Variants in ARHGAP32 observed in about 807,000 individuals in gnomAD.
ARHGAP32 encodes rho GTPase-activating protein 32.
In ARHGAP32, 51 loss-of-function variants were observed where a neutral mutation model predicts 186.5. That is an observed-to-expected ratio of 0.27 (90% CI 0.22 to 0.35). ARHGAP32 has a LOEUF of 0.35. ARHGAP32 is among the 10% of genes least tolerant of loss of function. The pLI is 1.00. For missense variants in ARHGAP32, 2,186 were observed against 2,623.5 expected (o/e 0.83, Z 3.64); for synonymous variants, 950 against 964.3 (o/e 0.99, Z 0.27).
At chr11:129,018,522 T>C (rs1256323720) in intron 11 of ARHGAP32, among the ~76,000 whole-genome samples, 4 of 152,214 alleles carry the variant, frequency 2.6e-5, no homozygotes, top group Admixed American at 6.5e-5. Context: ...TAAACTTATC[T>C]TTAGCAAGCA....
chr11:129,051,082 G>A (rs578216700), intron 10 of ARHGAP32, among the ~76,000 whole-genome samples: 141 of 152,214 alleles, frequency 9.3e-4, no homozygotes, highest in African/African-American at 3.3e-3. Flanking sequence ...TTGCTATTGT[G>A]AACAATGCTG....
chr11:129,096,301 C>T (rs1941725962), intron 5 of ARHGAP32, among the ~76,000 whole-genome samples: 1 of 152,088 alleles, frequency 6.6e-6, no homozygotes, highest in Admixed American at 6.5e-5. Flanking sequence ...CACGCAAAAG[C>T]ACACGAGAAA....
In ARHGAP32 at chr11:129,048,201, C is replaced by T. The variant is rs1190418042; in HGVS notation, c.964-7192G>A. Among the ~76,000 whole-genome samples, 5 of 151,920 alleles carry T rather than the reference C, an allele frequency of 3.3e-5. No homozygotes were observed. In the South Asian group the frequency reaches 6.2e-4, roughly 19 times the overall value. On this transcript the variant is annotated intron_variant, in intron 10 of 22. Transcript: ENST00000682385. ...TTAAATAAAAAATTACTCTTGCAGC[C>T]GGATATGCAGGTTTGAGAGTCAAAA...
intron 6 of ARHGAP32, among the ~76,000 whole-genome samples, chr11:129,086,371 T>A (rs992078344): frequency 6.6e-6 from 1 of 152,206 alleles, no homozygotes; most frequent in Admixed American, 6.5e-5. Context: ...TGACCTTAGT[T>A]ACAGCGATGA....
At chr11:129,156,011 G>A (rs1232692301) in intron 2 of ARHGAP32, among the ~76,000 whole-genome samples, 3 of 152,182 alleles carry the variant, frequency 2.0e-5, no homozygotes, top group African/African-American at 4.8e-5. Context: ...AAGATGTGAG[G>A]GACTGTGCCG....
At chr11:129,173,108 C>A (rs1396618849) in intron 1 of ARHGAP32, among the ~76,000 whole-genome samples, 1 of 151,370 alleles carries the variant, frequency 6.6e-6, no homozygotes, top group African/African-American at 2.4e-5. Flanking sequence ...ATCAAACAGA[C>A]ACAATAAAAA....
Position 128,969,373 on chromosome 11 carries a change from T to G in ARHGAP32, c.5840A>C (p.Glu1947Ala). Residue 1947 changes from glutamate to alanine, a missense_variant, in exon 23 of 23, where the codon GAA becomes GCA. Physicochemically the swap from Glu to Ala is moderately radical, Grantham distance 107. Transcript: ENST00000682385. This position sits in a 1 kb window ranked among gnomAD's most constrained non-coding sequence, Gnocchi z 4.8. ...SGVKYAASGQ[E>A]SLRLNHKEVR... Reference sequence around the variant, plus strand: ...CTCTTTGTGGTTCAGTCTTAAAGATTCTTGCCCGGATGCAGCATATTTTAC... The same window carrying G: ...CTCTTTGTGGTTCAGTCTTAAAGATGCTTGCCCGGATGCAGCATATTTTAC... The G allele has an allele frequency of 6.2e-7, 1 of 1,614,230 alleles. No homozygotes were observed. Among genetic ancestry groups the G allele is most frequent in the South Asian group, 1.1e-5 (1 of 91,088 alleles).
chr11:129,064,044 C>T lies in ARHGAP32; in HGVS notation c.763-20G>A. 1 of 1,589,496 alleles carries T rather than the reference C, an allele frequency of 6.3e-7. No homozygotes were observed. Among genetic ancestry groups the T allele is most frequent in the Non-Finnish European group, 8.5e-7 (1 of 1,170,930 alleles). On this transcript the variant is annotated intron_variant, in intron 8 of 22. Transcript: ENST00000682385. ...ATCAATCTATCACAAAGAAAATGTA[C>T]TATGAGATAAAGACACTGGACTTGC... is the stretch of plus-strand genomic sequence containing the variant.
intron 2 of ARHGAP32, among the ~76,000 whole-genome samples, chr11:129,140,633 C>T (rs1943031407): frequency 1.3e-5 from 2 of 152,110 alleles, no homozygotes; most frequent in South Asian, 2.1e-4. Context: ...GACTTCAGTA[C>T]CATCCCAAAC....
chr11:129,241,667 G>T (rs1012265846), intron 1 of ARHGAP32, among the ~76,000 whole-genome samples: 11 of 151,918 alleles, frequency 7.2e-5, no homozygotes, highest in African/African-American at 2.7e-4. Flanking sequence ...ACCAAAAACA[G>T]GTAAGTAGAT....
chr11:129,185,058 T>A (rs1245898129), intron 1 of ARHGAP32, among the ~76,000 whole-genome samples: 1 of 152,154 alleles, frequency 6.6e-6, no homozygotes, highest in Admixed American at 6.6e-5. Context: ...TCCTCAGGGA[T>A]CTAGAACTAG....
At chr11:129,099,073 G>T (rs1393280725) in intron 5 of ARHGAP32, among the ~76,000 whole-genome samples, 1 of 152,116 alleles carries the variant, frequency 6.6e-6, no homozygotes, top group Non-Finnish European at 1.5e-5. Flanking sequence ...AAAGCTATAA[G>T]ATATAAAGAA....
At chr11:129,068,414 A>G (rs1203695115) in intron 6 of ARHGAP32, among the ~76,000 whole-genome samples, 2 of 152,032 alleles carry the variant, frequency 1.3e-5, no homozygotes, top group Admixed American at 6.6e-5. Flanking sequence ...TCTCAGTTCT[A>G]TCACTACCTT....
intron 1 of ARHGAP32, among the ~76,000 whole-genome samples, chr11:129,240,060 G>A (rs759634519): frequency 1.7e-4 from 26 of 150,284 alleles, no homozygotes; most frequent in Non-Finnish European, 2.8e-4. Context: ...TTTTTTTTCT[G>A]AGACGGAGTC....
chr11:129,170,711 T>C (rs897777519), intron 1 of ARHGAP32, among the ~76,000 whole-genome samples: 14 of 152,190 alleles, frequency 9.2e-5, no homozygotes, highest in Non-Finnish European at 2.9e-5. Flanking sequence ...GGTCAAATGG[T>C]ATTTCTGGTT....
rs767579694 is a variant in ARHGAP32 at position 128,970,155 on chromosome 11, G to A, written c.5058C>T (p.Ala1686=). ...SPDGALCDVD[A]YGTVQLRPLH... is the part of the protein sequence containing the mutation. ...GGGGTCTCAACTGGACTGTGCCATA[G>A]GCATCCACATCACACAGGGCCCCAT... The change falls in exon 23 of 23, where the codon GCC becomes GCT. Residue 1686 remains alanine, a synonymous_variant. Transcript: ENST00000682385. This position sits in a 1 kb window ranked among gnomAD's most constrained non-coding sequence, Gnocchi z 5.8. 17 of 1,614,096 alleles carry A rather than the reference G, an allele frequency of 1.1e-5. No individual in the cohort carries two copies. The highest frequency in any genetic ancestry group is 5.9e-6 in the Non-Finnish European group (7 of 1,180,048).
At chr11:129,211,554 T>C (rs1028188741) in intron 1 of ARHGAP32, among the ~76,000 whole-genome samples, 2 of 152,036 alleles carry the variant, frequency 1.3e-5, no homozygotes, top group Non-Finnish European at 2.9e-5. Flanking sequence ...AAGTCAGGAG[T>C]TCCTCAGAAG....
chr11:129,203,583 G>T (rs1485879331), intron 1 of ARHGAP32, among the ~76,000 whole-genome samples: 2 of 151,724 alleles, frequency 1.3e-5, no homozygotes, highest in Admixed American at 1.3e-4. Flanking sequence ...AATAATGAAG[G>T]TTGAGAATTC....
intron 1 of ARHGAP32, among the ~76,000 whole-genome samples, chr11:129,183,892 G>A (rs1275901342): frequency 1.3e-5 from 2 of 152,048 alleles, no homozygotes; most frequent in Non-Finnish European, 2.9e-5. Context: ...GCATATATGT[G>A]AGGAAGCAAA....
Sources: gnomAD v4.1 joint callset for allele counts (sites outside exome capture counted in the v4.1 genomes callset) on GRCh38, gnomAD v4.1.1 for gene constraint, Gnocchi (gnomAD v3.1) non-coding constraint, MANE v1.5 for transcripts, NCBI Gene and HGNC (gene_info 2026-07-23, HGNC 2026-07-21) for gene names.